SELENOP: variants seen among roughly 807,000 people sequenced by gnomAD.
SELENOP encodes the protein selenoprotein P, plasma, 1.
A neutral mutation model predicts 41.0 loss-of-function variants in SELENOP; 36 were observed. The observed-to-expected ratio is 0.88, with a 90% confidence interval of 0.67 to 1.16. The LOEUF (loss-of-function observed/expected upper bound fraction) is 1.16, where lower values mean the gene tolerates loss of function less well. SELENOP is among the 50% of genes most tolerant of loss of function. The pLI, the probability that SELENOP is intolerant of heterozygous loss-of-function variation, is 0.00. For synonymous variants in SELENOP, 144 were observed against 150.8 expected (o/e 0.95, Z 0.33); for missense variants, 440 against 454.2 (o/e 0.97, Z 0.28).
Position 42,799,945 on chromosome 5 carries a change from T to C in SELENOP, c.*775A>G. The C allele has an allele frequency of 1.3e-6, 1 of 762,708 alleles. No homozygotes were observed. The highest frequency in any genetic ancestry group is 2.0e-6 in the Non-Finnish European group (1 of 488,172). 47.2% of individuals were successfully genotyped at this position (762,708 alleles called of 1,614,324 possible). On this transcript the variant is annotated 3_prime_UTR_variant, in exon 5 of 5. Coordinates refer to ENST00000514985, the MANE Select transcript of SELENOP (RefSeq NM_005410.4). ...GTACTGTATCCAATTCTGTACTGCA[T>C]TCTTGCTTAATAGTATTAACCATAA...
chr5:42,803,237 A>G (rs1760252698), intron 4 of SELENOP, among the ~76,000 whole-genome samples: 1 of 152,192 alleles, frequency 6.6e-6, no homozygotes, highest in African/African-American at 2.4e-5. Flanking sequence ...TGCCTTTTTC[A>G]ATATAACTGG....
Position 42,799,986 on chromosome 5 carries a change from T to C in SELENOP, c.*734A>G. 2 of 552,036 alleles carry C rather than the reference T, an allele frequency of 3.6e-6. No individual in the cohort carries two copies. Among genetic ancestry groups the C allele is most frequent in the South Asian group, 5.1e-5 (2 of 39,012 alleles). 34.2% of individuals were successfully genotyped at this position (552,036 alleles called of 1,614,324 possible). ...TTAACCATAAAGGAGGTCAGGTTTA[T>C]AGGGTTTGGTTTACCTATTAAACCA... On this transcript the variant is annotated 3_prime_UTR_variant, in exon 5 of 5. Transcript: ENST00000514985.
At chr5:42,808,897 G>A (rs1432678880) in intron 1 of SELENOP, among the ~76,000 whole-genome samples, 1 of 150,518 alleles carries the variant, frequency 6.6e-6, no homozygotes, top group Non-Finnish European at 1.5e-5. Context: ...TCCAGCCTGG[G>A]CGACAGAACG....
chr5:42,809,075 T>A (rs1181079032), intron 1 of SELENOP, among the ~76,000 whole-genome samples: 2 of 152,106 alleles, frequency 1.3e-5, no homozygotes, highest in Non-Finnish European at 2.9e-5. Context: ...GGCCCTTAGC[T>A]CTTCAAGTTC....
chr5:42,807,702 T>C (rs1268225427), intron 2 of SELENOP: 1 of 154,452 alleles, frequency 6.5e-6, no homozygotes, highest in Non-Finnish European at 1.5e-5. Flanking sequence ...GTAAGGAGAA[T>C]TCCACCCAGT....
rs1301870241 is a variant in SELENOP at position 42,800,945 on chromosome 5, C to G, written c.921G>C (p.Leu307=). The G allele has an allele frequency of 1.2e-6, 2 of 1,614,098 alleles. No homozygotes were observed. Among genetic ancestry groups the G allele is most frequent in the Non-Finnish European group, 8.5e-7 (1 of 1,180,050 alleles). Residue 307 remains leucine, a synonymous_variant, in exon 5 of 5, where the codon CTG becomes CTC. Coordinates refer to ENST00000514985, the MANE Select transcript of SELENOP (RefSeq NM_005410.4). ...PRSUCCHCRH[L]IFEKTGSAIT... ...TTGCAGACCCTGTTTTTTCAAATAT[C>G]AGATGTCGACAATGGCAGCATCAGC...
chr5:42,809,714 T>C, intron 1 of SELENOP: 1 of 708,432 alleles, frequency 1.4e-6, no homozygotes, highest in Non-Finnish European at 1.7e-6. Flanking sequence ...ATAGAATTTT[T>C]AACCCTGATT....
rs1561285489 is a variant in SELENOP, at chr5:42,807,074, CTTCT to C, written c.234_237del (p.Glu79AspfsTer?). On this transcript the variant is annotated frameshift_variant, in exon 3 of 5. Transcript: ENST00000514985. LOFTEE classifies it high-confidence loss of function. ...ACAATATAAGAAATATTAGAATATCCTTCTTTCTTCAGTTTTACTCGCAGGTCTT... is the reference window on the plus strand; with the variant it reads ...ACAATATAAGAAATATTAGAATATCCTTCTTCAGTTTTACTCGCAGGTCTT... The C allele has an allele frequency of 1.3e-6, 2 of 1,531,006 alleles. No homozygotes were observed. Among genetic ancestry groups the C allele is most frequent in the East Asian group, 2.3e-5 (1 of 44,144 alleles). The allele number at this position is 1,531,006 out of a possible 1,614,324, so 94.8% of individuals were successfully genotyped here. A position where few individuals can be genotyped will look rare whatever the true frequency, so the allele number is the denominator to read the frequency against.
chr5:42,808,105 T>A, intron 2 of SELENOP, 46 bp downstream of exon 2: 1 of 1,028,896 alleles, frequency 9.7e-7, no homozygotes, highest in Non-Finnish European at 1.4e-6. Context: ...GTGTATTTAA[T>A]AGCCTTCCCC....
At chr5:42,804,427 C>A (rs1221463083) in intron 4 of SELENOP, among the ~76,000 whole-genome samples, 1 of 152,284 alleles carries the variant, frequency 6.6e-6, no homozygotes, top group African/African-American at 2.4e-5. Context: ...CGCCACTGCA[C>A]TCCAGCCTCG....
Position 42,800,010 on chromosome 5 carries a change from C to T in SELENOP, c.*710G>A. On this transcript the variant is annotated 3_prime_UTR_variant, in exon 5 of 5. Coordinates refer to ENST00000514985, the MANE Select transcript of SELENOP (RefSeq NM_005410.4). The stretch of plus-strand genomic sequence containing the variant: ...ATAGGGTTTGGTTTACCTATTAAAC[C>T]ATCATTGACTATGGAAATACTTACT... 2 of 460,834 alleles carry T rather than the reference C, an allele frequency of 4.3e-6. No homozygotes were observed. The highest frequency in any genetic ancestry group is 7.6e-6 in the Non-Finnish European group (2 of 263,468). 28.5% of individuals were successfully genotyped at this position (460,834 alleles called of 1,614,324 possible).
chr5:42,800,918 G>A lies in SELENOP; in HGVS notation c.948C>T (p.Ile316=). 1.2e-6 allele frequency: 2 copies of A among 1,614,198 alleles called. No individual in the cohort carries two copies. Among genetic ancestry groups the A allele is most frequent in the Non-Finnish European group, 1.7e-6 (2 of 1,180,038 alleles). ...HLIFEKTGSA[I]TUQCKENLPS... Reference sequence around the variant, plus strand: ...GGAGGTTTTCTTTACACTGTCAGGTGATTGCAGACCCTGTTTTTTCAAATA... The same window carrying A: ...GGAGGTTTTCTTTACACTGTCAGGTAATTGCAGACCCTGTTTTTTCAAATA... Residue 316 remains isoleucine, a synonymous_variant, in exon 5 of 5, where the codon ATC becomes ATT. Coordinates refer to ENST00000514985, the MANE Select transcript of SELENOP (RefSeq NM_005410.4).
chr5:42,811,438 G>A (rs1423046551), intron 1 of SELENOP, among the ~76,000 whole-genome samples: 1 of 152,190 alleles, frequency 6.6e-6, no homozygotes, highest in Non-Finnish European at 1.5e-5. Context: ...GCATATTTCA[G>A]TGTCTGCTCT....
At chr5:42,803,207 A>T (rs1760252041) in intron 4 of SELENOP, among the ~76,000 whole-genome samples, 2 of 152,188 alleles carry the variant, frequency 1.3e-5, no homozygotes, top group Non-Finnish European at 2.9e-5. Context: ...CATTTTAAGC[A>T]TATTGTGGTA....
chr5:42,807,008 G>C lies in SELENOP; in HGVS notation c.304C>G (p.His102Asp), dbSNP rs753869487. 6.9e-6 allele frequency: 11 copies of C among 1,595,442 alleles called. No homozygotes were observed. The East Asian group carries it at 2.2e-4, about 33-fold the overall frequency. ...QGISSRLKYT[H>D]LKNKVSEHIP... ...TGCTCTGAAACCTTATTCTTAAGAT[G>C]TGTGTATTTTAATCGAGAAGAGATT... Residue 102 changes from histidine to aspartate, a missense_variant, in exon 3 of 5, where the codon CAT (histidine) becomes GAT (aspartate). His to Asp is a moderately conservative substitution (Grantham distance 81). Coordinates refer to ENST00000514985, the MANE Select transcript of SELENOP (RefSeq NM_005410.4).
rs908756480 is a variant in SELENOP, at chr5:42,807,166, G to A, written c.204-58C>T. On this transcript the variant is annotated intron_variant, in intron 2 of 4. Transcript: ENST00000514985. ...ATAATCTCATTTGATTTGATTAGTGGTTTTTCTCCCTCTTCCTTAATTTTC... is the reference window on the plus strand; with the variant it reads ...ATAATCTCATTTGATTTGATTAGTGATTTTTCTCCCTCTTCCTTAATTTTC... 6.9e-6 allele frequency: 6 copies of A among 868,192 alleles called. No individual in the cohort carries two copies. The African/African-American group carries it at 8.4e-5, about 12-fold the overall frequency. 53.8% of individuals were successfully genotyped at this position (868,192 alleles called of 1,614,324 possible). A position where few individuals can be genotyped will look rare whatever the true frequency, so the allele number is the denominator to read the frequency against.
At chr5:42,810,875 A>G (rs1760444821) in intron 1 of SELENOP, 1 of 531,894 alleles carries the variant, frequency 1.9e-6, no homozygotes, top group South Asian at 7.9e-5. Flanking sequence ...TTGTAGCTTA[A>G]GAGTTCACAC....
At chr5:42,801,431 T>A in intron 4 of SELENOP, 100 bp from the exon 5 acceptor site, 1 of 881,716 alleles carries the variant, frequency 1.1e-6, no homozygotes, top group Non-Finnish European at 1.7e-6. Context: ...TCCAACTAGT[T>A]AATTAGAATC....
At position 42,806,969 on chromosome 5, in the gene SELENOP, G is replaced by C; in HGVS notation, c.343C>G (p.Gln115Glu). Residue 115 changes from glutamine to glutamate, a missense_variant, in exon 3 of 5, where the codon CAA becomes GAA. Gln to Glu is a conservative substitution (Grantham distance 29). Coordinates refer to ENST00000514985, the MANE Select transcript of SELENOP (RefSeq NM_005410.4). ...ACATCTGTTTGGTTTTCTTCTTGTT[G>C]ATAAACAGGAATATGCTCTGAAACC... ...NKVSEHIPVY[Q>E]QEENQTDVWT... The C allele has an allele frequency of 1.2e-6, 2 of 1,611,324 alleles. No homozygotes were observed. Among genetic ancestry groups the C allele is most frequent in the East Asian group, 4.5e-5 (2 of 44,694 alleles).
Sources: allele counts gnomAD v4.1 joint callset (sites outside exome capture counted in the v4.1 genomes callset), GRCh38; gene constraint gnomAD v4.1.1; transcripts MANE v1.5; gene names NCBI Gene and HGNC (gene_info 2026-07-23, HGNC 2026-07-21).